The following CNNM4 variants were observed in gnomAD, a reference collection of about 807,000 sequenced individuals.
CNNM4 encodes metal transporter CNNM4.
A neutral mutation model predicts 53.7 loss-of-function variants in CNNM4; 32 were observed. That is an observed-to-expected ratio of 0.60 (90% CI 0.45 to 0.80). The LOEUF is 0.80. Among genes scored for constraint, CNNM4 ranks in the 30% least tolerant of loss-of-function variants. The pLI, the probability that CNNM4 is intolerant of heterozygous loss-of-function variation, is 0.00. For missense variants in CNNM4, 784 were observed against 1,022.0 expected (o/e 0.77, Z 3.17); for synonymous variants, 410 against 440.0 (o/e 0.93, Z 0.85).
chr2:96,767,897 C>A (rs1215560825), intron 1 of CNNM4, among the ~76,000 whole-genome samples: 1 of 152,172 alleles, frequency 6.6e-6, no homozygotes. Context: ...TGGCAAAACC[C>A]CATCTTTACT....
rs1220681738 is a variant in CNNM4 at position 96,799,585 on chromosome 2, A to G, written c.1885A>G (p.Met629Val). The change falls in exon 5 of 7, where the codon ATG becomes GTG. Residue 629 changes from methionine to valine, a missense_variant. Physicochemically the swap from Met to Val is conservative, Grantham distance 21 (BLOSUM62 1). This residue lies in a region of CNNM4 where 307 missense variants were observed against 376.3 expected (regional missense o/e 0.82). Coordinates refer to ENST00000377075, the MANE Select transcript of CNNM4 (RefSeq NM_020184.4). ...KVEVEAGKENMKFETGAFSYY... is the reference protein window; with the variant it reads ...KVEVEAGKENVKFETGAFSYY... Reference sequence around the variant, plus strand: ...GGAGGTGGAGGCAGGGAAGGAGAACATGAAGTTTGAGACGGGCGCCTTCTC... The same window carrying G: ...GGAGGTGGAGGCAGGGAAGGAGAACGTGAAGTTTGAGACGGGCGCCTTCTC... 1.0e-5 allele frequency: 16 copies of G among 1,555,552 alleles called. No individual in the cohort carries two copies. The highest frequency in any genetic ancestry group is 8.7e-7 in the Non-Finnish European group (1 of 1,149,006).
chr2:96,808,540 C>A lies in CNNM4; in HGVS notation c.1949-21C>A, dbSNP rs2079228322. ...GGCATCGGAGTGGCCTTTGGCATGA[C>A]AACCTCTGCTCTCCCTGCAGACCGT... On this transcript the variant is annotated intron_variant, in intron 5 of 6. Transcript: ENST00000377075. This position sits in a 1 kb window ranked among gnomAD's most constrained non-coding sequence, Gnocchi z 4.9. The A allele has an allele frequency of 3.1e-6, 5 of 1,613,736 alleles. No homozygotes were observed. Among genetic ancestry groups the A allele is most frequent in the Non-Finnish European group, 4.2e-6 (5 of 1,179,926 alleles).
In CNNM4 at chr2:96,761,551, G is replaced by C; in HGVS notation, c.552G>C (p.Leu184=). Residue 184 remains leucine, a synonymous_variant, in exon 1 of 7, where the codon CTG becomes CTC. Transcript: ENST00000377075. This position sits in a 1 kb window ranked among gnomAD's most constrained non-coding sequence, Gnocchi z 6.0. ...CTGGGAGGTTCCTGCCTCTCTGGCTGCACATTCTCCTAATTACGGTGCTGC... is the reference window on the plus strand; with the variant it reads ...CTGGGAGGTTCCTGCCTCTCTGGCTCCACATTCTCCTAATTACGGTGCTGC... The part of the protein sequence containing the change: ...EEPGRFLPLW[L]HILLITVLLV... 1 of 1,614,070 alleles carries C rather than the reference G, an allele frequency of 6.2e-7. No individual in the cohort carries two copies. The highest frequency in any genetic ancestry group is 8.5e-7 in the Non-Finnish European group (1 of 1,179,962).
In CNNM4 at chr2:96,811,245, C is replaced by T. The variant is rs1174181184; in HGVS notation, c.*1728C>T. 6.6e-6 allele frequency: 1 copy of T among 152,240 alleles called. No individual in the cohort carries two copies. Among genetic ancestry groups the T allele is most frequent in the Non-Finnish European group, 1.5e-5 (1 of 68,046 alleles). The allele number at this position is 152,240 out of a possible 1,614,324, so 9.4% of individuals were successfully genotyped here. On this transcript the variant is annotated 3_prime_UTR_variant, in exon 7 of 7. Transcript: ENST00000377075. Reference sequence around the variant, plus strand: ...GGTTCTCAACTGTAAGGAAAAAAGACACCAGACTTTTGTTCCCTAGTGGGG... The same window carrying T: ...GGTTCTCAACTGTAAGGAAAAAAGATACCAGACTTTTGTTCCCTAGTGGGG...
intron 5 of CNNM4, among the ~76,000 whole-genome samples, chr2:96,807,469 A>T (rs2079219791): frequency 6.7e-6 from 1 of 150,226 alleles, no homozygotes; most frequent in Non-Finnish European, 1.5e-5. Flanking sequence ...CTAAAAATAC[A>T]AAAAAAAAAT....
intron 1 of CNNM4, among the ~76,000 whole-genome samples, chr2:96,776,027 G>GTTT (rs538342553): frequency 6.2e-5 from 8 of 128,764 alleles, no homozygotes; most frequent in Non-Finnish European, 1.0e-4. Context: ...TGCCATTGTG[G>GTTT]TTTTTTTTTT....
chr2:96,779,889 G>A (rs1257775694), intron 1 of CNNM4, among the ~76,000 whole-genome samples: 1 of 148,784 alleles, frequency 6.7e-6, no homozygotes, highest in Non-Finnish European at 1.5e-5. Flanking sequence ...TGCAACCTCC[G>A]CCTCCTGGGT....
intron 1 of CNNM4, among the ~76,000 whole-genome samples, chr2:96,775,727 T>C (rs1202237236): frequency 1.3e-5 from 2 of 151,750 alleles, no homozygotes; most frequent in African/African-American, 4.9e-5. Context: ...CTGTGTTTTG[T>C]TTTTGTTTTG....
At chr2:96,775,205 C>G (rs2078914231) in intron 1 of CNNM4, among the ~76,000 whole-genome samples, 1 of 151,942 alleles carries the variant, frequency 6.6e-6, no homozygotes, top group African/African-American at 2.4e-5. Context: ...TTATCCACAC[C>G]CTGGAAGCCC....
At chr2:96,771,272 ATT>A (rs145382372) in intron 1 of CNNM4, among the ~76,000 whole-genome samples, 8,834 of 150,816 alleles carry the variant, frequency 0.059, 863 homozygotes, top group African/African-American at 0.2. Context: ...TTCTGTGCTT[ATT>A]CCACTGTTAG....
chr2:96,765,662 AG>A (rs1455593120), intron 1 of CNNM4, among the ~76,000 whole-genome samples: 1 of 152,066 alleles, frequency 6.6e-6, no homozygotes, highest in Non-Finnish European at 1.5e-5. Flanking sequence ...ATGCCTTCTT[AG>A]TGTTTTCACC....
rs563296435 is a variant in CNNM4 at position 96,799,988 on chromosome 2, C to T, written c.1948+340C>T. On this transcript the variant is annotated intron_variant, in intron 5 of 6. Coordinates refer to ENST00000377075, the MANE Select transcript of CNNM4 (RefSeq NM_020184.4). ...GGGAGGAAGGCCCAGGGCCCTGCTCCTGAGGACAGGAGGGGAGTCTGAGCA... is the reference window on the plus strand; with the variant it reads ...GGGAGGAAGGCCCAGGGCCCTGCTCTTGAGGACAGGAGGGGAGTCTGAGCA... Among the ~76,000 whole-genome samples, 6 of 152,282 alleles carry T rather than the reference C, an allele frequency of 3.9e-5. No homozygotes were observed. The East Asian group carries it at 7.7e-4, about 20-fold the overall frequency.
chr2:96,766,063 T>A (rs1200365958), intron 1 of CNNM4, among the ~76,000 whole-genome samples: 1 of 149,048 alleles, frequency 6.7e-6, no homozygotes, highest in Non-Finnish European at 1.5e-5. Context: ...GGATTACAGG[T>A]GTGAGCCACC....
Position 96,808,798 on chromosome 2 carries a change from A to G in CNNM4, c.2130+56A>G, listed in dbSNP as rs1297812897. ...GCTATCTTCTGCTCAGGAATCAGCT[A>G]CTACTTTCATCCACCAAACCCAGCA... is the stretch of plus-strand genomic sequence containing the variant. On this transcript the variant is annotated intron_variant, in intron 6 of 6. Transcript: ENST00000377075. This position sits in a 1 kb window ranked among gnomAD's most constrained non-coding sequence, Gnocchi z 4.9. 3.2e-6 allele frequency: 5 copies of G among 1,566,172 alleles called. No individual in the cohort carries two copies. Among genetic ancestry groups the G allele is most frequent in the Non-Finnish European group, 4.4e-6 (5 of 1,137,816 alleles).
At chr2:96,805,364 A>G (rs1035400301) in intron 5 of CNNM4, among the ~76,000 whole-genome samples, 42 of 148,976 alleles carry the variant, frequency 2.8e-4, no homozygotes, top group African/African-American at 1.0e-3. Context: ...CTTAAGCACA[A>G]AGATAGAGTA....
intron 1 of CNNM4, among the ~76,000 whole-genome samples, chr2:96,764,637 CCTT>C (rs1440587717): frequency 6.6e-6 from 1 of 152,198 alleles, no homozygotes; most frequent in East Asian, 1.9e-4. Flanking sequence ...CTGGCGTCCA[CCTT>C]CTTAGTCTGA....
intron 5 of CNNM4, among the ~76,000 whole-genome samples, chr2:96,805,553 T>C (rs1488716348): frequency 4.7e-5 from 6 of 127,264 alleles, no homozygotes; most frequent in Admixed American, 1.6e-4. Context: ...GATAAACAAG[T>C]GAACAAAGGT....
At chr2:96,788,489 G>C (rs968945499) in intron 1 of CNNM4, 5 of 152,332 alleles carry the variant, frequency 3.3e-5, no homozygotes, top group Non-Finnish European at 7.3e-5. Flanking sequence ...GCAGGGGCTT[G>C]TCACTCTGGC....
intron 1 of CNNM4, among the ~76,000 whole-genome samples, chr2:96,785,591 A>G (rs564941468): frequency 1.3e-5 from 2 of 152,128 alleles, no homozygotes; most frequent in East Asian, 1.9e-4. Flanking sequence ...TGATCGTGTC[A>G]CTCTGCACTC....
Sources: allele counts gnomAD v4.1 joint callset (sites outside exome capture counted in the v4.1 genomes callset), GRCh38; gene constraint gnomAD v4.1.1; regional missense constraint gnomAD v4.1.1; non-coding constraint Gnocchi (gnomAD v3.1); transcripts MANE v1.5; gene names NCBI Gene and HGNC (gene_info 2026-07-23, HGNC 2026-07-21).